GLCCI1: variants seen among roughly 807,000 people sequenced by gnomAD.
GLCCI1 encodes glucocorticoid-induced transcript 1 protein.
Under a neutral mutation model 52.2 loss-of-function variants are expected in GLCCI1, and 24 were observed. That is an observed-to-expected ratio of 0.46 (90% CI 0.33 to 0.65). The LOEUF is 0.65. Ranked by LOEUF, GLCCI1 falls within the 30% of genes least tolerant of loss-of-function variation. The pLI, the probability that GLCCI1 is intolerant of heterozygous loss-of-function variation, is 0.02. For synonymous variants in GLCCI1, 310 were observed against 276.5 expected (o/e 1.12, Z -1.20); for missense variants, 704 against 701.5 (o/e 1.00, Z -0.04).
Position 8,072,828 on chromosome 7 carries a change from T to A in GLCCI1, c.1177+1697T>A, listed in dbSNP as rs562219203. 3.7e-4 allele frequency among the ~76,000 whole-genome samples: 57 copies of A among 152,230 alleles called. 1 individual carries two copies. The South Asian group carries it at 9.8e-3, about 26-fold the overall frequency. ...TAGACAGTTAAGTCTGGAGTTCTGT[T>A]TTCTTTAATACTGTGGATAATTGAG... On this transcript the variant is annotated intron_variant, in intron 6 of 7. Coordinates refer to ENST00000223145, the MANE Select transcript of GLCCI1 (RefSeq NM_138426.4).
intron 5 of GLCCI1, among the ~76,000 whole-genome samples, chr7:8,066,924 C>T (rs1211909884): frequency 6.6e-6 from 1 of 152,028 alleles, no homozygotes; most frequent in African/African-American, 2.4e-5. Flanking sequence ...GAGTTCAGGT[C>T]CTGAACATCT....
chr7:7,975,441 G>C (rs1254886076), intron 1 of GLCCI1, among the ~76,000 whole-genome samples: 3 of 152,100 alleles, frequency 2.0e-5, no homozygotes, highest in Non-Finnish European at 4.4e-5. Flanking sequence ...TATATACCAA[G>C]CAATGTATAC....
chr7:8,081,988 T>A (rs1370578492), intron 6 of GLCCI1, among the ~76,000 whole-genome samples: 1 of 152,208 alleles, frequency 6.6e-6, no homozygotes, highest in Non-Finnish European at 1.5e-5. Flanking sequence ...ATCTCAACTG[T>A]ATTTCTAGTT....
At chr7:7,994,726 G>A (rs916123594) in intron 1 of GLCCI1, among the ~76,000 whole-genome samples, 2 of 152,088 alleles carry the variant, frequency 1.3e-5, no homozygotes, top group African/African-American at 2.4e-5. Context: ...TCTGTCTGTC[G>A]TTAAAATCTA....
chr7:7,981,250 CTTTCTTTCTCTTTT>C, intron 1 of GLCCI1: 2 of 244,706 alleles, frequency 8.2e-6, no homozygotes, highest in Non-Finnish European at 1.6e-5. Flanking sequence ...TTCTTTCTTT[CTTTCTTTCTCTTTT>C]TTTCTTTCTT....
chr7:8,083,004 G>T (rs1783029401), intron 6 of GLCCI1, among the ~76,000 whole-genome samples: 1 of 152,170 alleles, frequency 6.6e-6, no homozygotes, highest in Non-Finnish European at 1.5e-5. Flanking sequence ...ACTGCTAATG[G>T]TATCAAGCTG....
At chr7:7,999,469 G>A (rs1454587618) in intron 1 of GLCCI1, among the ~76,000 whole-genome samples, 3 of 152,042 alleles carry the variant, frequency 2.0e-5, no homozygotes, top group Non-Finnish European at 4.4e-5. Context: ...TTAGCCAGAT[G>A]TGGTGGTGCA....
chr7:7,976,382 G>C (rs999896431), intron 1 of GLCCI1, among the ~76,000 whole-genome samples: 2 of 146,464 alleles, frequency 1.4e-5, no homozygotes, highest in Non-Finnish European at 3.0e-5. Flanking sequence ...GGGAGGCTGA[G>C]ACACGAAAGT....
At chr7:8,009,156 C>T (rs1044565555) in intron 2 of GLCCI1, among the ~76,000 whole-genome samples, 2 of 152,148 alleles carry the variant, frequency 1.3e-5, no homozygotes, top group Non-Finnish European at 2.9e-5. Flanking sequence ...GAAAGAAAAA[C>T]TAAAATCCAT....
intron 3 of GLCCI1, among the ~76,000 whole-genome samples, chr7:8,031,463 G>A (rs879180917): frequency 1.3e-5 from 2 of 152,002 alleles, no homozygotes; most frequent in Admixed American, 6.6e-5. Flanking sequence ...TGGAAAGAAT[G>A]AGTAAGACCT....
At chr7:7,992,043 TTTTCTTTCTTTCTTTC>T (rs60028694) in intron 1 of GLCCI1, among the ~76,000 whole-genome samples, 2,570 of 128,790 alleles carry the variant, frequency 0.02, 51 homozygotes, top group East Asian at 0.092. Flanking sequence ...AGAATTTATT[TTTTCTTTCTTTCTTTC>T]TTTCTTTCTT....
chr7:8,002,042 C>G (rs532563871), intron 1 of GLCCI1, among the ~76,000 whole-genome samples: 4 of 151,838 alleles, frequency 2.6e-5, no homozygotes. Context: ...ACATGTATAC[C>G]TATGTAACAA....
intron 3 of GLCCI1, among the ~76,000 whole-genome samples, chr7:8,048,180 A>G (rs1033338847): frequency 1.3e-5 from 2 of 152,158 alleles, no homozygotes; most frequent in African/African-American, 4.8e-5. Context: ...TTACATTTTC[A>G]TGGGTCTTTG....
intron 1 of GLCCI1, among the ~76,000 whole-genome samples, chr7:7,999,748 A>T (rs1432568621): frequency 1.3e-5 from 2 of 152,000 alleles, no homozygotes; most frequent in Non-Finnish European, 2.9e-5. Flanking sequence ...CTATAAATTT[A>T]AAAAATTAGC....
At position 8,086,774 on chromosome 7, in the gene GLCCI1, G is replaced by A. The variant is rs762918087; in HGVS notation, c.*236G>A. On this transcript the variant is annotated 3_prime_UTR_variant, in exon 8 of 8. Coordinates refer to ENST00000223145, the MANE Select transcript of GLCCI1 (RefSeq NM_138426.4). This position sits in a 1 kb window ranked among gnomAD's most constrained non-coding sequence, Gnocchi z 4.4. ...ATTCAGCATTTTAAGTGGAGACTAT[G>A]CATTTCATAGTATATTTGACAGATT... is the stretch of plus-strand genomic sequence containing the variant. The A allele has an allele frequency of 2.0e-6, 1 of 504,398 alleles. No homozygotes were observed. Among genetic ancestry groups the A allele is most frequent in the Non-Finnish European group, 3.5e-6 (1 of 285,814 alleles). The allele number at this position is 504,398 out of a possible 1,614,324, so 31.2% of individuals were successfully genotyped here. A position where few individuals can be genotyped will look rare whatever the true frequency, so the allele number is the denominator to read the frequency against.
intron 3 of GLCCI1, among the ~76,000 whole-genome samples, chr7:8,030,617 T>G (rs1243334034): frequency 6.6e-6 from 1 of 151,964 alleles, no homozygotes; most frequent in Non-Finnish European, 1.5e-5. Flanking sequence ...TGGGAGAAAA[T>G]ATTTGCAAAC....
intron 1 of GLCCI1, chr7:7,980,970 C>G: frequency 1.8e-6 from 1 of 570,902 alleles, no homozygotes; most frequent in Non-Finnish European, 3.2e-6. Flanking sequence ...GTAGAGTTGA[C>G]ACAAATGAAG....
In GLCCI1 at chr7:8,086,123, G is replaced by A; in HGVS notation, c.1299-70G>A. 1 of 1,344,278 alleles carries A rather than the reference G, an allele frequency of 7.4e-7. No individual in the cohort carries two copies. Among genetic ancestry groups the A allele is most frequent in the Non-Finnish European group, 1.0e-6 (1 of 977,212 alleles). The allele number at this position is 1,344,278 out of a possible 1,614,324, so 83.3% of individuals were successfully genotyped here. The stretch of plus-strand genomic sequence containing the variant: ...ATTTTAGCTGTTTTAGAGAACTCCA[G>A]TTAATTCAGAAAATGCTTAACTTTT... On this transcript the variant is annotated intron_variant, in intron 7 of 7. Coordinates refer to ENST00000223145, the MANE Select transcript of GLCCI1 (RefSeq NM_138426.4). The surrounding 1 kb of genome is among the most constrained non-coding windows in gnomAD (Gnocchi z 4.4).
At chr7:8,070,751 A>G in intron 5 of GLCCI1, 170 bp from the exon 6 acceptor site, 1 of 599,706 alleles carries the variant, frequency 1.7e-6, no homozygotes, top group South Asian at 2.0e-5. Flanking sequence ...TAGTTCAATA[A>G]AGGTAACATA....
Sources: allele counts gnomAD v4.1 joint callset (sites outside exome capture counted in the v4.1 genomes callset), GRCh38; gene constraint gnomAD v4.1.1; non-coding constraint Gnocchi (gnomAD v3.1); transcripts MANE v1.5; gene names NCBI Gene and HGNC (gene_info 2026-07-23, HGNC 2026-07-21).